The following MASP2 variants were observed in gnomAD, a reference collection of about 807,000 sequenced individuals.
MASP2 encodes mannan-binding lectin serine protease 2.
A neutral mutation model predicts 57.1 loss-of-function variants in MASP2; 49 were observed. The observed-to-expected ratio is 0.86, with a 90% CI of 0.68 to 1.09. The LOEUF (loss-of-function observed/expected upper bound fraction) is 1.09, where lower values mean the gene tolerates loss of function less well. Ranked by LOEUF, MASP2 falls within the 50% of genes least tolerant of loss-of-function variation. The probability of loss-of-function intolerance (pLI) is 0.00; values close to 1 mark genes in which losing one functional copy is unlikely to be tolerated. For synonymous variants in MASP2, 379 were observed against 340.8 expected (o/e 1.11, Z -1.24); for missense variants, 900 against 874.8 (o/e 1.03, Z -0.36).
intron 7 of MASP2, among the ~76,000 whole-genome samples, 181 bp from the exon 8 acceptor site, chr1:11,035,087 C>G (rs1440178022): frequency 6.6e-6 from 1 of 152,146 alleles, no homozygotes; most frequent in Non-Finnish European, 1.5e-5. Flanking sequence ...CACATGGACG[C>G]ACTGCCCCAC....
chr1:11,039,256 G>A (rs1322747405), intron 6 of MASP2, among the ~76,000 whole-genome samples: 4 of 152,204 alleles, frequency 2.6e-5, no homozygotes, highest in African/African-American at 7.2e-5. Context: ...CAGAGGCTGT[G>A]AGAACTGTGG....
intron 6 of MASP2, among the ~76,000 whole-genome samples, chr1:11,042,545 G>A (rs141115097): frequency 6.6e-6 from 1 of 151,674 alleles, no homozygotes; most frequent in Non-Finnish European, 1.5e-5. Flanking sequence ...ACAAAAGGAT[G>A]GATGGGTGGG....
Position 11,027,469 on chromosome 1 carries a change from A to G in MASP2, c.1477T>C (p.Ser493Pro). ...GTGCCCATTCGAATGTCCAGGGCGG[A>G]TGCATCATGTTTTTGCTCATAGACG... is the stretch of plus-strand genomic sequence containing the variant. ...HAVYEQKHDA[S>P]ALDIRMGTLK... The change falls in exon 11 of 11, where the codon TCC becomes CCC. Residue 493 changes from serine (S) to proline (P), a missense_variant. Coordinates refer to ENST00000400897, the MANE Select transcript of MASP2 (RefSeq NM_006610.4). 6.2e-7 allele frequency: 1 copy of G among 1,614,112 alleles called. No individual in the cohort carries two copies. The highest frequency in any genetic ancestry group is 8.5e-7 in the Non-Finnish European group (1 of 1,180,018).
chr1:11,042,413 TGG>T (rs1177718597), intron 6 of MASP2, among the ~76,000 whole-genome samples: 2 of 35,226 alleles, frequency 5.7e-5, no homozygotes, highest in Non-Finnish European at 5.0e-4. Context: ...GATGGATGGA[TGG>T]ATGGATGGAT....
At chr1:11,037,425 C>T (rs1283523973) in intron 7 of MASP2, among the ~76,000 whole-genome samples, 1 of 151,954 alleles carries the variant, frequency 6.6e-6, no homozygotes, top group African/African-American at 2.4e-5. Context: ...TCCAAACTAG[C>T]TTTAAAACAA....
At position 11,045,516 on chromosome 1, in the gene MASP2, G is replaced by T. The variant is rs780076750; in HGVS notation, c.436C>A (p.Pro146Thr). 2 of 1,608,372 alleles carry T rather than the reference G, an allele frequency of 1.2e-6. No homozygotes were observed. The highest frequency in any genetic ancestry group is 2.2e-5 in the South Asian group (2 of 90,948). ...TGGTCGCAGGTGGGCGCCTCTCCCG[G>T]GGCCACCTGGCACTCGTCAATGTCT... is the stretch of plus-strand genomic sequence containing the variant. ...AEDIDECQVA[P>T]GEAPTCDHHC... Residue 146 changes from proline to threonine, a missense_variant, in exon 4 of 11, where the codon CCG (proline) becomes ACG (threonine). Physicochemically the swap from Pro to Thr is conservative, Grantham distance 38. Coordinates refer to ENST00000400897, the MANE Select transcript of MASP2 (RefSeq NM_006610.4).
intron 8 of MASP2, among the ~76,000 whole-genome samples, chr1:11,031,699 T>G (rs1643848979): frequency 6.6e-6 from 1 of 151,640 alleles, no homozygotes; most frequent in South Asian, 2.1e-4. Context: ...GAGGCCAAAG[T>G]GGGAGGGTCA....
At chr1:11,031,074 C>T (rs908734527) in intron 8 of MASP2, among the ~76,000 whole-genome samples, 192 bp from the exon 9 acceptor site, 1 of 151,854 alleles carries the variant, frequency 6.6e-6, no homozygotes, top group African/African-American at 2.4e-5. Context: ...TGGCACGTGC[C>T]TGTTGTCCCA....
chr1:11,035,927 T>C (rs1177826552), intron 7 of MASP2, among the ~76,000 whole-genome samples: 6 of 145,408 alleles, frequency 4.1e-5, no homozygotes, highest in African/African-American at 1.5e-4. Flanking sequence ...GCCAGAGGAC[T>C]GTGGTGACAA....
At chr1:11,037,491 G>A (rs114377430) in intron 7 of MASP2, among the ~76,000 whole-genome samples, 12,975 of 152,090 alleles carry the variant, frequency 0.085, 1,105 homozygotes, top group African/African-American at 0.21. Flanking sequence ...AAAAAAGGGC[G>A]GGATTCAGAA....
At chr1:11,032,702 AG>A (rs1194272047) in intron 8 of MASP2, among the ~76,000 whole-genome samples, 6 of 152,074 alleles carry the variant, frequency 3.9e-5, no homozygotes, top group African/African-American at 1.4e-4. Context: ...TGAAGTCAGG[AG>A]TTCAAGACCA....
At chr1:11,043,733 T>A (rs1570755000) in intron 4 of MASP2, among the ~76,000 whole-genome samples, 198 bp from the exon 5 acceptor site, 1 of 151,982 alleles carries the variant, frequency 6.6e-6, no homozygotes, top group South Asian at 2.1e-4. Flanking sequence ...ACCCGATGGC[T>A]GAGGGGCCGC....
chr1:11,028,282 A>T (rs544580262), intron 10 of MASP2, among the ~76,000 whole-genome samples: 5 of 152,166 alleles, frequency 3.3e-5, no homozygotes, highest in Non-Finnish European at 7.3e-5. Flanking sequence ...GATGGACTGG[A>T]TGATGTGCAT....
chr1:11,047,144 G>A, intron 1 of MASP2, 25 bp from the exon 2 acceptor site: 1 of 1,549,520 alleles, frequency 6.5e-7, no homozygotes, highest in Non-Finnish European at 8.7e-7. Flanking sequence ...GGGGCGGTGA[G>A]GGCCCAGGCC....
chr1:11,043,173 C>T, intron 5 of MASP2, 151 bp from the exon 6 acceptor site: 2 of 988,966 alleles, frequency 2.0e-6, no homozygotes, highest in African/African-American at 1.6e-5. Flanking sequence ...CTGCCTCCCA[C>T]ACTTGTACTC....
intron 2 of MASP2, 62 bp from the exon 3 acceptor site, chr1:11,046,795 A>G (rs1217172682): frequency 1.9e-6 from 3 of 1,567,516 alleles, no homozygotes; most frequent in Non-Finnish European, 2.6e-6. Flanking sequence ...CCTCCTGGCC[A>G]AGCCTGGCCC....
chr1:11,034,752 G>A (rs1209493454), intron 8 of MASP2, 76 bp downstream of exon 8: 3 of 902,804 alleles, frequency 3.3e-6, no homozygotes, highest in Non-Finnish European at 5.0e-6. Context: ...AACCAGAGAA[G>A]CAATAGAAGC....
At chr1:11,038,344 G>A (rs1638314482) in intron 6 of MASP2, among the ~76,000 whole-genome samples, 1 of 152,172 alleles carries the variant, frequency 6.6e-6, no homozygotes, top group South Asian at 2.1e-4. Flanking sequence ...CTAGTTCTTG[G>A]CGGAGCTGTA....
intron 8 of MASP2, among the ~76,000 whole-genome samples, chr1:11,032,924 AT>A (rs1643864482): frequency 6.6e-6 from 1 of 152,128 alleles, no homozygotes; most frequent in Non-Finnish European, 1.5e-5. Flanking sequence ...ATAAATAAAT[AT>A]TAAAAAGTAA....
Sources: gnomAD v4.1 joint callset for allele counts (sites outside exome capture counted in the v4.1 genomes callset) on GRCh38, gnomAD v4.1.1 for gene constraint, MANE v1.5 for transcripts, NCBI Gene and HGNC (gene_info 2026-07-23, HGNC 2026-07-21) for gene names.